ADAMTS14: variants seen among roughly 807,000 people sequenced by gnomAD.
ADAMTS14 encodes the protein ADAM metallopeptidase with thrombospondin type 1 motif 14.
In ADAMTS14, 100 loss-of-function variants were observed where a neutral mutation model predicts 128.6. The observed-to-expected ratio is 0.78, with a 90% CI of 0.66 to 0.92. ADAMTS14 has a LOEUF of 0.92. Ranked by LOEUF, ADAMTS14 falls within the 40% of genes least tolerant of loss-of-function variation. ADAMTS14 has a pLI of 0.00. For missense variants in ADAMTS14, 1,562 were observed against 1,658.6 expected (o/e 0.94, Z 1.01); for synonymous variants, 665 against 653.8 (o/e 1.02, Z -0.26).
rs750495811 is a variant in ADAMTS14, at chr10:70,672,901, C to T, written c.82+17C>T. On this transcript the variant is annotated intron_variant, in intron 1 of 21. Coordinates refer to ENST00000373207, the MANE Select transcript of ADAMTS14 (RefSeq NM_080722.4). The stretch of plus-strand genomic sequence containing the variant: ...GGACCCCAGGTGCGTGCGGGTTGGG[C>T]GCGCGGGGGCCCGTGGGGTCCGGGG... 1.4e-6 allele frequency: 2 copies of T among 1,454,340 alleles called. No individual in the cohort carries two copies. Among genetic ancestry groups the T allele is most frequent in the South Asian group, 1.4e-5 (1 of 71,724 alleles). 90.1% of individuals were successfully genotyped at this position (1,454,340 alleles called of 1,614,324 possible).
intron 2 of ADAMTS14, among the ~76,000 whole-genome samples, chr10:70,682,447 G>C (rs1839838984): frequency 6.6e-6 from 1 of 152,232 alleles, no homozygotes; most frequent in African/African-American, 2.4e-5. Context: ...GGGTGAGTGT[G>C]ACCCTGGAAC....
intron 4 of ADAMTS14, among the ~76,000 whole-genome samples, chr10:70,709,334 G>A (rs528738924): frequency 5.3e-5 from 8 of 152,288 alleles, no homozygotes; most frequent in South Asian, 4.1e-4. Flanking sequence ...CAGAGAGCCC[G>A]TGCCCTTAGC....
At chr10:70,708,831 AC>A in intron 4 of ADAMTS14, 53 bp downstream of exon 4, 1 of 532,952 alleles carries the variant, frequency 1.9e-6, no homozygotes, top group Non-Finnish European at 2.9e-6. Context: ...GGTGGGCCCC[AC>A]CCCACCCCAC....
rs751207045 is a variant in ADAMTS14, at chr10:70,760,514, GC to G, written c.3339del (p.Phe1114SerfsTer96). 2 of 1,613,580 alleles carry G rather than the reference GC, an allele frequency of 1.2e-6. No individual in the cohort carries two copies. The highest frequency in any genetic ancestry group is 8.5e-7 in the Non-Finnish European group (1 of 1,179,904). ...PGPDPGPTSL[P>X]PFSTPGSPLP... is the part of the protein sequence containing the mutation. ...GCCCAGACCCTGGCCCAACCTCACT[GC>G]CCCCCTTCTCCACTCCTGGAAGCCC... is the stretch of plus-strand genomic sequence containing the variant. On this transcript the variant is annotated frameshift_variant, in exon 22 of 22. Coordinates refer to ENST00000373207, the MANE Select transcript of ADAMTS14 (RefSeq NM_080722.4).
At position 70,747,910 on chromosome 10, in the gene ADAMTS14, G is replaced by A. The variant is rs537974350; in HGVS notation, c.2264-1912G>A. Among the ~76,000 whole-genome samples the A allele has an allele frequency of 1.1e-4, 16 of 152,190 alleles. No individual in the cohort carries two copies. The East Asian group carries it at 2.3e-3, about 22-fold the overall frequency. ...TGCACGTGCATGCACGTGTAGGGGT[G>A]TGTGTACCCAACAGGATATGTAGAG... On this transcript the variant is annotated intron_variant, in intron 15 of 21. Transcript: ENST00000373207.
At chr10:70,706,240 G>A (rs1041709226) in intron 3 of ADAMTS14, among the ~76,000 whole-genome samples, 5 of 152,200 alleles carry the variant, frequency 3.3e-5, no homozygotes, top group Admixed American at 2.6e-4. Flanking sequence ...GCTGTGCCCC[G>A]ATAGACAGTG....
intron 4 of ADAMTS14, among the ~76,000 whole-genome samples, chr10:70,710,408 T>C (rs1457729265): frequency 6.6e-6 from 1 of 152,190 alleles, no homozygotes; most frequent in East Asian, 1.9e-4. Flanking sequence ...CTGGCCTTGA[T>C]GTTAGGGCCC....
At position 70,753,847 on chromosome 10, in the gene ADAMTS14, TGGGGGTGCAGACAC is replaced by T; in HGVS notation, c.2783_2796del (p.Val928AspfsTer26). 1 of 1,593,956 alleles carries T rather than the reference TGGGGGTGCAGACAC, an allele frequency of 6.3e-7. No individual in the cohort carries two copies. The highest frequency in any genetic ancestry group is 1.2e-5 in the South Asian group (1 of 86,866). On this transcript the variant is annotated frameshift_variant, in exon 19 of 22. Transcript: ENST00000373207. ...GCCTGCAGCCGGAGCTGTGGGAAGC[TGGGGGTGCAGACAC>T]GGGGGATACAGTGCCTGCTGCCCCT...
chr10:70,687,616 G>A (rs1159818759), intron 2 of ADAMTS14, among the ~76,000 whole-genome samples: 5 of 30,398 alleles, frequency 1.6e-4, no homozygotes, highest in African/African-American at 4.4e-4. Context: ...CTCCCAGACG[G>A]GGCGGCTGGC....
At chr10:70,677,887 C>A (rs1035684254) in intron 2 of ADAMTS14, among the ~76,000 whole-genome samples, 1 of 152,274 alleles carries the variant, frequency 6.6e-6, no homozygotes, top group Non-Finnish European at 1.5e-5. Flanking sequence ...TGTAGCATTT[C>A]TGATAAGATT....
intron 2 of ADAMTS14, among the ~76,000 whole-genome samples, chr10:70,698,849 G>T (rs972506774): frequency 6.6e-5 from 10 of 152,114 alleles, no homozygotes; most frequent in African/African-American, 2.4e-4. Context: ...GCTGGACCCC[G>T]GACCCAGGGT....
intron 4 of ADAMTS14, among the ~76,000 whole-genome samples, chr10:70,714,234 A>G (rs891932928): frequency 1.3e-4 from 20 of 152,100 alleles, no homozygotes; most frequent in African/African-American, 3.6e-4. Flanking sequence ...AATTATTAGT[A>G]TTGTTTTTGA....
chr10:70,737,474 C>T (rs547266122), intron 10 of ADAMTS14, among the ~76,000 whole-genome samples: 6 of 152,302 alleles, frequency 3.9e-5, no homozygotes, highest in East Asian at 1.9e-4. Flanking sequence ...TGTCAAGGCA[C>T]GTGAGGGAGC....
At chr10:70,724,231 T>C in intron 4 of ADAMTS14, among the ~76,000 whole-genome samples, 1 of 152,170 alleles carries the variant, frequency 6.6e-6, no homozygotes, top group Non-Finnish European at 1.5e-5. Flanking sequence ...GGTCAATATG[T>C]GGTGCTGAAT....
rs1283425716 is a variant in ADAMTS14 at position 70,762,373 on chromosome 10, T to C, written c.*1520T>C. 1 of 152,174 alleles carries C rather than the reference T, an allele frequency of 6.6e-6. No homozygotes were observed. The highest frequency in any genetic ancestry group is 1.5e-5 in the Non-Finnish European group (1 of 68,036). The allele number at this position is 152,174 out of a possible 1,614,324, so 9.4% of individuals were successfully genotyped here. ...AGAACCAGCCTGGCCTGTGTTAAAC[T>C]CTTGTGCCTTGGAAATCCAGATCTT... On this transcript the variant is annotated 3_prime_UTR_variant, in exon 22 of 22. Transcript: ENST00000373207.
intron 7 of ADAMTS14, among the ~76,000 whole-genome samples, chr10:70,732,687 C>G (rs890732588): frequency 3.9e-5 from 6 of 152,224 alleles, no homozygotes; most frequent in African/African-American, 1.2e-4. Context: ...GAGGCCTGCT[C>G]TCTCTGGGTG....
intron 4 of ADAMTS14, among the ~76,000 whole-genome samples, chr10:70,710,201 G>A (rs1406373392): frequency 2.6e-5 from 4 of 152,234 alleles, no homozygotes; most frequent in Admixed American, 6.5e-5. Context: ...AAGGGAAAAT[G>A]CCACGTCAAC....
At position 70,719,858 on chromosome 10, in the gene ADAMTS14, T is replaced by C. The variant is rs192792155; in HGVS notation, c.871-9436T>C. ...CACCCACAGATGAGCAGGGTCGAGC[T>C]CCAAGAGGTAAGACCATGCAGTGGT... is the stretch of plus-strand genomic sequence containing the variant. On this transcript the variant is annotated intron_variant, in intron 4 of 21. Transcript: ENST00000373207. 1.3e-3 allele frequency among the ~76,000 whole-genome samples: 203 copies of C among 152,316 alleles called. 2 individuals carry two copies. Among genetic ancestry groups the C allele is most frequent in the African/African-American group, 4.7e-3 (197 of 41,574 alleles).
At chr10:70,675,030 C>T (rs1839603061) in intron 2 of ADAMTS14, 35 bp downstream of exon 2, 2 of 1,595,722 alleles carry the variant, frequency 1.3e-6, no homozygotes, top group Admixed American at 1.7e-5. Flanking sequence ...CTGCATCCTC[C>T]CCCTCCCATG....
Sources: gnomAD v4.1 joint callset for allele counts (sites outside exome capture counted in the v4.1 genomes callset) on GRCh38, gnomAD v4.1.1 for gene constraint, MANE v1.5 for transcripts, NCBI Gene and HGNC (gene_info 2026-07-23, HGNC 2026-07-21) for gene names.